The following ITGA10 variants were observed in gnomAD, a reference collection of about 807,000 sequenced individuals.
ITGA10 encodes the protein integrin subunit alpha 10.
Under a neutral mutation model 145.2 loss-of-function variants are expected in ITGA10, and 105 were observed. That is an observed-to-expected ratio of 0.72 (90% CI 0.62 to 0.85). The LOEUF (loss-of-function observed/expected upper bound fraction) is 0.85, where lower values mean the gene tolerates loss of function less well. Ranked by LOEUF, ITGA10 falls within the 40% of genes least tolerant of loss-of-function variation. The pLI is 0.00. For missense variants in ITGA10, 1,317 were observed against 1,444.5 expected (o/e 0.91, Z 1.43); for synonymous variants, 506 against 557.8 (o/e 0.91, Z 1.31).
rs782279241 is a variant in ITGA10, at chr1:145,896,343, G to C, written c.2844C>G (p.Thr948=). The change falls in exon 24 of 30, where the codon ACC becomes ACG. Residue 948 remains threonine (T), a synonymous_variant. Coordinates refer to ENST00000369304, the MANE Select transcript of ITGA10 (RefSeq NM_003637.5). ...EPHLLFSSES[T]LHRYEVHPYG... is the part of the protein sequence containing the mutation. ...ATGGGTGAACCTCATAGCGGTGCAGGGTAGACTCACTGTGTGAACACCAAG... is the reference window on the plus strand; with the variant it reads ...ATGGGTGAACCTCATAGCGGTGCAGCGTAGACTCACTGTGTGAACACCAAG... 3.2e-5 allele frequency: 52 copies of C among 1,613,494 alleles called. No homozygotes were observed. Among genetic ancestry groups the C allele is most frequent in the Non-Finnish European group, 4.3e-5 (51 of 1,179,536 alleles).
At chr1:145,902,379 C>T (rs1261402988) in intron 9 of ITGA10, 60 bp from the exon 10 acceptor site, 51 of 1,609,110 alleles carry the variant, frequency 3.2e-5, no homozygotes, top group Non-Finnish European at 4.1e-5. Context: ...CTTTGACCTA[C>T]TGAACTCACT....
chr1:145,893,253 T>G lies in ITGA10; in HGVS notation c.3346A>C (p.Thr1116Pro), dbSNP rs782062615. 59 of 1,613,744 alleles carry G rather than the reference T, an allele frequency of 3.7e-5. No individual in the cohort carries two copies. The highest frequency in any genetic ancestry group is 3.1e-5 in the Non-Finnish European group (36 of 1,179,856). ...CACAGGGAGATGAGGATAGGCCGGG[T>G]CTGAACCACCTCCAAGAGGCTCTGC... Reference protein sequence around the residue: ...WSESLLEVVQTRPILISLWIL... With the variant: ...WSESLLEVVQPRPILISLWIL... Residue 1116 changes from threonine to proline, a missense_variant, in exon 29 of 30, where the codon ACC becomes CCC. By Grantham distance (38) the Thr-to-Pro change is conservative. Transcript: ENST00000369304.
chr1:145,895,687 TC>T lies in ITGA10; in HGVS notation c.3057del (p.Thr1020LeufsTer19). ...TGCACAGGTGGGCCTGGGGGTTCAGTCAGGTTCTGCACTATGCAGCTTGCCT... is the reference window on the plus strand; with the variant it reads ...TGCACAGGTGGGCCTGGGGGTTCAGTAGGTTCTGCACTATGCAGCTTGCCT... ...TNNASCIVQN[L>X]TEPPGPPVHP... On this transcript the variant is annotated frameshift_variant, in exon 26 of 30. Coordinates refer to ENST00000369304, the MANE Select transcript of ITGA10 (RefSeq NM_003637.5). LOFTEE classifies it high-confidence loss of function. 6.2e-7 allele frequency: 1 copy of T among 1,614,246 alleles called. No homozygotes were observed. The highest frequency in any genetic ancestry group is 8.5e-7 in the Non-Finnish European group (1 of 1,180,036).
intron 14 of ITGA10, 134 bp from the exon 15 acceptor site, chr1:145,900,321 G>T: frequency 1.0e-6 from 1 of 1,001,588 alleles, no homozygotes; most frequent in Non-Finnish European, 1.4e-6. Flanking sequence ...AGGCTGGAGT[G>T]CAATGGTGTG....
At chr1:145,898,255 G>T in intron 17 of ITGA10, 32 bp from the exon 18 acceptor site, 1 of 1,377,400 alleles carries the variant, frequency 7.3e-7, no homozygotes, top group Non-Finnish European at 1.0e-6. Flanking sequence ...GAGTCACAGA[G>T]TCAAGGATCT....
chr1:145,902,558 G>C lies in ITGA10; in HGVS notation c.971C>G (p.Thr324Ser), dbSNP rs1553749298. The change falls in exon 9 of 30, where the codon ACT becomes AGT. Residue 324 changes from threonine to serine, a missense_variant. Thr to Ser is a moderately conservative substitution (Grantham distance 58). Coordinates refer to ENST00000369304, the MANE Select transcript of ITGA10 (RefSeq NM_003637.5). Reference protein sequence around the residue: ...DPSSFLREIRTIASDPDERFF... With the variant: ...DPSSFLREIRSIASDPDERFF... Reference sequence around the variant, plus strand: ...TCGCTCATCTGGATCACTGGCAATAGTTCTAATTTCTCTCAGGAAAGAGCT... The same window carrying C: ...TCGCTCATCTGGATCACTGGCAATACTTCTAATTTCTCTCAGGAAAGAGCT... 6.2e-7 allele frequency: 1 copy of C among 1,613,884 alleles called. No individual in the cohort carries two copies. Among genetic ancestry groups the C allele is most frequent in the Admixed American group, 1.7e-5 (1 of 59,952 alleles).
intron 25 of ITGA10, 64 bp downstream of exon 25, chr1:145,895,919 C>A: frequency 7.6e-7 from 1 of 1,314,218 alleles, no homozygotes; most frequent in South Asian, 1.2e-5. Context: ...GGTGTGGTGT[C>A]CAGCTTCAGT....
chr1:145,899,792 T>C (rs1655978131), intron 15 of ITGA10, among the ~76,000 whole-genome samples: 1 of 152,216 alleles, frequency 6.6e-6, no homozygotes. Context: ...ATTACAGGTG[T>C]GAGCCACTGT....
intron 5 of ITGA10, among the ~76,000 whole-genome samples, chr1:145,905,367 C>T (rs1656991743): frequency 6.6e-6 from 1 of 151,598 alleles, no homozygotes; most frequent in Non-Finnish European, 1.5e-5. Context: ...GCAAGCTCTG[C>T]CTCCTGGGTT....
Position 145,901,558 on chromosome 1 carries a change from T to A in ITGA10, c.1401A>T (p.Lys467Asn). The change falls in exon 12 of 30, where the codon AAA (lysine) becomes AAT (asparagine). Residue 467 changes from lysine (K) to asparagine (N), a missense_variant. By Grantham distance (94) the Lys-to-Asn change is moderately conservative. Coordinates refer to ENST00000369304, the MANE Select transcript of ITGA10 (RefSeq NM_003637.5). The surrounding 1 kb of genome is among the most constrained non-coding windows in gnomAD (Gnocchi z 4.3). ...TCTGGGCAACCCTCACAGCCCCATC[T>A]TTCTTAAGCTGGAAGGCGATGACTT... ...RGKVIAFQLKKDGAVRVAQSL... is the reference protein window; with the variant it reads ...RGKVIAFQLKNDGAVRVAQSL... 6.2e-7 allele frequency: 1 copy of A among 1,604,530 alleles called. No individual in the cohort carries two copies. The highest frequency in any genetic ancestry group is 8.5e-7 in the Non-Finnish European group (1 of 1,176,000).
At chr1:145,903,748 G>C (rs1656707259) in intron 7 of ITGA10, among the ~76,000 whole-genome samples, 1 of 151,062 alleles carries the variant, frequency 6.6e-6, no homozygotes. Flanking sequence ...GTGCAATGTT[G>C]TGATCTCGAC....
Position 145,891,654 on chromosome 1 carries a change from C to A in ITGA10, c.*1144G>T, listed in dbSNP as rs1031719831. 5 of 152,216 alleles carry A rather than the reference C, an allele frequency of 3.3e-5. No homozygotes were observed. The highest frequency in any genetic ancestry group is 1.2e-4 in the African/African-American group (5 of 41,420). 9.4% of individuals were successfully genotyped at this position (152,216 alleles called of 1,614,324 possible). A position where few individuals can be genotyped will look rare whatever the true frequency, so the allele number is the denominator to read the frequency against. ...CAAGCAAGGGCTGGCAAACTGATTCCACCAGAGAAACCCTGCAAAATATGA... is the reference window on the plus strand; with the variant it reads ...CAAGCAAGGGCTGGCAAACTGATTCAACCAGAGAAACCCTGCAAAATATGA... On this transcript the variant is annotated 3_prime_UTR_variant, in exon 30 of 30. Transcript: ENST00000369304.
intron 7 of ITGA10, among the ~76,000 whole-genome samples, chr1:145,903,448 G>A (rs1656666516): frequency 3.9e-5 from 6 of 152,094 alleles, no homozygotes; most frequent in Admixed American, 1.3e-4. Context: ...TTGTTGGAGT[G>A]GAGGGATAGA....
At chr1:145,908,599 T>C (rs1218362734) in intron 1 of ITGA10, among the ~76,000 whole-genome samples, 2 of 152,208 alleles carry the variant, frequency 1.3e-5, no homozygotes, top group African/African-American at 4.8e-5. Flanking sequence ...TACAGGGCAC[T>C]GCCAAGGAAA....
intron 1 of ITGA10, among the ~76,000 whole-genome samples, chr1:145,909,454 ATATAAT>A (rs1657563863): frequency 7.1e-6 from 1 of 140,804 alleles, no homozygotes; most frequent in South Asian, 2.1e-4. Flanking sequence ...ACTATATAAT[ATATAAT>A]TATGTTATAT....
chr1:145,893,588 G>A lies in ITGA10; in HGVS notation c.3276C>T (p.Thr1092=), dbSNP rs61731752. The change falls in exon 28 of 30, where the codon ACC becomes ACT. Residue 1092 remains threonine, a synonymous_variant. Transcript: ENST00000369304. ...LTVVSTFELG[T]EEGSVLQLTE... is the part of the protein sequence containing the mutation. ...TCAGCTGTAGGACACTGCCCTCTTC[G>A]GTTCCCAGCTCAAAGGTGCTGACCA... The A allele has an allele frequency of 2.2e-3, 3,559 of 1,613,276 alleles. 58 individuals carry two copies. In the African/African-American group the frequency reaches 0.041, roughly 18 times the overall value.
At position 145,895,628 on chromosome 1, in the gene ITGA10, T is replaced by C. The variant is rs782283069; in HGVS notation, c.3114+3A>G. 3.7e-6 allele frequency: 6 copies of C among 1,614,078 alleles called. No individual in the cohort carries two copies. In the South Asian group the frequency reaches 6.6e-5, roughly 18 times the overall value. On this transcript the variant is annotated splice_donor_region_variant and intron_variant, in intron 26 of 29. Transcript: ENST00000369304. Reference sequence around the variant, plus strand: ...ACTCTGGACACCCCTTTGTGACTCATACCAGTCTGTTTGTGTGTTGAAGCT... The same window carrying C: ...ACTCTGGACACCCCTTTGTGACTCACACCAGTCTGTTTGTGTGTTGAAGCT...
rs782183740 is a variant in ITGA10, at chr1:145,901,541, A to G, written c.1418T>C (p.Val473Ala). The G allele has an allele frequency of 2.5e-6, 4 of 1,590,682 alleles. No individual in the cohort carries two copies. In the Admixed American group the frequency reaches 5.5e-5, roughly 22 times the overall value. The change falls in exon 12 of 30, where the codon GTT (valine) becomes GCT (alanine). Residue 473 changes from valine (V) to alanine (A), a missense_variant. Val to Ala is a moderately conservative substitution (Grantham distance 64, BLOSUM62 0). Transcript: ENST00000369304. This position sits in a 1 kb window ranked among gnomAD's most constrained non-coding sequence, Gnocchi z 4.3. ...FQLKKDGAVR[V>A]AQSLQGEQIG... ...CTGCTCCCCCTGGAGGCTCTGGGCA[A>G]CCCTCACAGCCCCATCTTTCTTAAG...
intron 27 of ITGA10, among the ~76,000 whole-genome samples, chr1:145,894,672 A>G (rs16827012): frequency 0.028 from 4,200 of 152,286 alleles, 222 homozygotes; most frequent in African/African-American, 0.097. Flanking sequence ...ACTACCTGTC[A>G]TATTAAGTTC....
Sources: allele counts gnomAD v4.1 joint callset (sites outside exome capture counted in the v4.1 genomes callset), GRCh38; gene constraint gnomAD v4.1.1; non-coding constraint Gnocchi (gnomAD v3.1); transcripts MANE v1.5; gene names NCBI Gene and HGNC (gene_info 2026-07-23, HGNC 2026-07-21).